The following AGBL4 variants were observed in gnomAD, a reference collection of about 807,000 sequenced individuals.
The protein encoded by AGBL4 is AGBL carboxypeptidase 4.
In AGBL4, 58 loss-of-function variants were observed where a neutral mutation model predicts 66.4. That is an observed-to-expected ratio of 0.87 (90% confidence interval 0.71 to 1.09). The LOEUF (loss-of-function observed/expected upper bound fraction) is 1.09, where lower values mean the gene tolerates loss of function less well. Ranked by LOEUF, AGBL4 falls within the 50% of genes least tolerant of loss-of-function variation. The pLI is 0.00. For missense variants in AGBL4, 579 were observed against 631.0 expected, an observed-to-expected ratio of 0.92 and a Z score of 0.88; for synonymous variants, 234 against 222.9, an observed-to-expected ratio of 1.05 and a Z score of -0.44.
intron 3 of AGBL4, among the ~76,000 whole-genome samples, chr1:49,624,508 G>A (rs948150236): frequency 6.6e-6 from 1 of 152,148 alleles, no homozygotes; most frequent in Non-Finnish European, 1.5e-5. Context: ...CCCAAATAGT[G>A]GTAGCCAATC....
chr1:49,491,115 A>G (rs191691760), intron 3 of AGBL4, among the ~76,000 whole-genome samples: 6 of 151,954 alleles, frequency 3.9e-5, no homozygotes, highest in Admixed American at 3.9e-4. Context: ...CCTAATGTAC[A>G]GTTCATTTAA....
chr1:48,988,297 T>C (rs932781538), intron 5 of AGBL4, among the ~76,000 whole-genome samples: 1 of 152,204 alleles, frequency 6.6e-6, no homozygotes, highest in Non-Finnish European at 1.5e-5. Flanking sequence ...TTTATGTATG[T>C]TTGTATCTCC....
intron 3 of AGBL4, among the ~76,000 whole-genome samples, chr1:49,563,858 T>C (rs1049186897): frequency 1.3e-5 from 2 of 152,202 alleles, no homozygotes; most frequent in Non-Finnish European, 2.9e-5. Context: ...CTTTTTCTAT[T>C]GATTGGAATA....
chr1:48,823,283 A>C (rs922609959), intron 6 of AGBL4, among the ~76,000 whole-genome samples: 1 of 152,148 alleles, frequency 6.6e-6, no homozygotes, highest in Non-Finnish European at 1.5e-5. Flanking sequence ...TGTTATGTCT[A>C]ACACTGCTCA....
intron 3 of AGBL4, among the ~76,000 whole-genome samples, chr1:49,661,670 T>C (rs1369577289): frequency 6.6e-6 from 1 of 152,104 alleles, no homozygotes; most frequent in East Asian, 1.9e-4. Flanking sequence ...TATTCCTTTA[T>C]AGCAATGCAA....
intron 5 of AGBL4, among the ~76,000 whole-genome samples, chr1:48,983,819 G>A (rs1316027639): frequency 6.6e-6 from 1 of 152,102 alleles, no homozygotes; most frequent in African/African-American, 2.4e-5. Flanking sequence ...TAGAGAATAA[G>A]AGAGTTGATT....
At chr1:49,351,193 T>C (rs772135183) in intron 3 of AGBL4, among the ~76,000 whole-genome samples, 12 of 152,058 alleles carry the variant, frequency 7.9e-5, no homozygotes, top group Non-Finnish European at 2.9e-5. Context: ...CCACCATTTT[T>C]CCCCCGAATT....
At chr1:49,546,702 T>C (rs1652520058) in intron 3 of AGBL4, among the ~76,000 whole-genome samples, 2 of 152,194 alleles carry the variant, frequency 1.3e-5, no homozygotes, top group African/African-American at 4.8e-5. Flanking sequence ...TGGCCATTCT[T>C]GCAGGAGTAA....
chr1:49,319,752 G>T (rs1248370062), intron 3 of AGBL4, among the ~76,000 whole-genome samples: 1 of 152,086 alleles, frequency 6.6e-6, no homozygotes, highest in Non-Finnish European at 1.5e-5. Flanking sequence ...TCCAGCCAGG[G>T]CCTTCCTGCT....
intron 5 of AGBL4, 28 bp from the exon 6 acceptor site, chr1:48,867,258 A>T (rs1437691507): frequency 1.9e-6 from 3 of 1,612,520 alleles, no homozygotes; most frequent in Non-Finnish European, 2.5e-6. Flanking sequence ...CTGTGAGGGC[A>T]CTGATTTGAG....
chr1:49,605,194 A>G (rs1356019179), intron 3 of AGBL4, among the ~76,000 whole-genome samples: 6 of 152,184 alleles, frequency 3.9e-5, no homozygotes, highest in African/African-American at 7.2e-5. Context: ...CTACATCAGG[A>G]TATACTGCTT....
intron 3 of AGBL4, among the ~76,000 whole-genome samples, chr1:49,691,752 A>G (rs1020484766): frequency 5.3e-5 from 8 of 152,084 alleles, no homozygotes; most frequent in Non-Finnish European, 1.2e-4. Flanking sequence ...GGTGGGCACA[A>G]TGTAATCAGC....
chr1:49,801,336 AC>A (rs1644855970), intron 2 of AGBL4, among the ~76,000 whole-genome samples: 1 of 152,304 alleles, frequency 6.6e-6, no homozygotes, highest in East Asian at 1.9e-4. Context: ...CCCTGACTCA[AC>A]CCTCAGATGA....
chr1:49,687,177 C>T (rs186282220), intron 3 of AGBL4, among the ~76,000 whole-genome samples: 2 of 152,286 alleles, frequency 1.3e-5, no homozygotes, highest in Admixed American at 1.3e-4. Context: ...ACATATAATG[C>T]TCCAGCTTCA....
intron 11 of AGBL4, among the ~76,000 whole-genome samples, chr1:48,577,696 CAG>C (rs35622026): frequency 6.6e-6 from 1 of 151,680 alleles, no homozygotes; most frequent in African/African-American, 2.4e-5. Flanking sequence ...CCGGGCACTG[CAG>C]AGAGAGAGTC....
chr1:49,336,988 G>GA (rs1247708236), intron 3 of AGBL4, among the ~76,000 whole-genome samples: 2 of 152,134 alleles, frequency 1.3e-5, no homozygotes, highest in African/African-American at 2.4e-5. Context: ...TCAATCTTGA[G>GA]ATTAAAAATA....
Position 48,758,812 on chromosome 1 carries a change from C to A in AGBL4, c.635-95571G>T, listed in dbSNP as rs74724453. The A allele has an allele frequency of 5.4e-3, 6,727 of 1,244,638 alleles. 244 individuals are homozygous for A. The African/African-American group carries it at 0.091, about 17-fold the overall frequency. 77.1% of individuals were successfully genotyped at this position (1,244,638 alleles called of 1,614,324 possible). ...CTTCCCTAGCCTCAGGGCACTTGGT[C>A]TCCCTCTCCCCTTTCCCTTCCTGGA... On this transcript the variant is annotated intron_variant, in intron 6 of 13. Transcript: ENST00000371839.
At chr1:49,322,284 T>TA (rs1368916875) in intron 3 of AGBL4, among the ~76,000 whole-genome samples, 1 of 152,102 alleles carries the variant, frequency 6.6e-6, no homozygotes, top group African/African-American at 2.4e-5. Context: ...ATACACACAT[T>TA]AAAAAAATGC....
In AGBL4 at chr1:49,202,957, C is replaced by T. The variant is rs146422759; in HGVS notation, c.377+42813G>A. On this transcript the variant is annotated intron_variant, in intron 4 of 13. Coordinates refer to ENST00000371839, the MANE Select transcript of AGBL4 (RefSeq NM_032785.4). Reference sequence around the variant, plus strand: ...AAAATGGGAAAAAGAGTTGAACAGACATTTCTTTAAAGTAGATATAGAAAT... The same window carrying T: ...AAAATGGGAAAAAGAGTTGAACAGATATTTCTTTAAAGTAGATATAGAAAT... Among the ~76,000 whole-genome samples, 61 of 151,802 alleles carry T rather than the reference C, an allele frequency of 4.0e-4. No individual in the cohort carries two copies. In the East Asian group the frequency reaches 0.012, roughly 29 times the overall value.
Sources: allele counts gnomAD v4.1 joint callset (sites outside exome capture counted in the v4.1 genomes callset), GRCh38; gene constraint gnomAD v4.1.1; transcripts MANE v1.5; gene names NCBI Gene and HGNC (gene_info 2026-07-23, HGNC 2026-07-21).